RUVBL1: variants seen among roughly 807,000 people sequenced by gnomAD.
RUVBL1 encodes the protein ruvB-like 1.
Under a neutral mutation model 52.4 loss-of-function variants are expected in RUVBL1, and 4 were observed. The observed-to-expected ratio is 0.08, with a 90% CI of 0.04 to 0.17. The LOEUF (loss-of-function observed/expected upper bound fraction) is 0.17, where lower values mean the gene tolerates loss of function less well. Among genes scored for constraint, RUVBL1 ranks in the 10% least tolerant of loss-of-function variants. The pLI is 1.00. For synonymous variants in RUVBL1, 217 were observed against 214.4 expected (o/e 1.01, Z -0.10); for missense variants, 298 against 572.8 (o/e 0.52, Z 4.90).
At chr3:128,117,216 T>C (rs781038770) in intron 2 of RUVBL1, among the ~76,000 whole-genome samples, 1 of 152,158 alleles carries the variant, frequency 6.6e-6, no homozygotes, top group Non-Finnish European at 1.5e-5. Context: ...AACAAAGATC[T>C]AAAAGAAATT....
chr3:128,134,852 T>A (rs1422209174), intron 1 of RUVBL1, among the ~76,000 whole-genome samples: 1 of 150,474 alleles, frequency 6.6e-6, no homozygotes, highest in Non-Finnish European at 1.5e-5. Flanking sequence ...GGGAAAAATT[T>A]AAAAAAAAGA....
chr3:128,102,087 T>C (rs1360023024), intron 4 of RUVBL1, among the ~76,000 whole-genome samples: 1 of 152,176 alleles, frequency 6.6e-6, no homozygotes, highest in African/African-American at 2.4e-5. Context: ...ACTCCTTCAT[T>C]TGCCTCACCT....
chr3:128,151,014 T>A (rs1576495919), intron 1 of RUVBL1, among the ~76,000 whole-genome samples: 1 of 95,330 alleles, frequency 1.0e-5, no homozygotes, highest in African/African-American at 4.6e-5. Flanking sequence ...ATATTATATA[T>A]TATATATATA....
In RUVBL1 at chr3:128,096,806, GAC is replaced by G. The variant is rs1942985955; in HGVS notation, c.1016+492_1016+493del. Among the ~76,000 whole-genome samples, 2 of 151,528 alleles carry G rather than the reference GAC, an allele frequency of 1.3e-5. 1 individual carries two copies. The highest frequency in any genetic ancestry group is 4.2e-4 in the South Asian group (2 of 4,794). Reference sequence around the variant, plus strand: ...CGCGCCACTGCACTCCAGCCTGGGCGACACAGTGAGACTCTGTCCCCAAAAAA... The same window carrying G: ...CGCGCCACTGCACTCCAGCCTGGGCGACAGTGAGACTCTGTCCCCAAAAAA... On this transcript the variant is annotated intron_variant, in intron 8 of 10. Coordinates refer to ENST00000322623, the MANE Select transcript of RUVBL1 (RefSeq NM_003707.3).
intron 7 of RUVBL1, 64 bp downstream of exon 7, chr3:128,098,818 A>C: frequency 1.5e-6 from 2 of 1,362,512 alleles, no homozygotes; most frequent in Non-Finnish European, 2.1e-6. Context: ...GAGCCGCAAG[A>C]GCATCTCAGA....
intron 1 of RUVBL1, among the ~76,000 whole-genome samples, chr3:128,150,920 A>AATATATTCTATATATTC (rs1944191225): frequency 1.0e-4 from 5 of 47,706 alleles, no homozygotes; most frequent in African/African-American, 4.7e-4. Flanking sequence ...ATTCTATATT[A>AATATATTCTATATATTC]TATATATAAT....
chr3:128,136,167 T>G (rs1348650765), intron 1 of RUVBL1, among the ~76,000 whole-genome samples: 1 of 133,312 alleles, frequency 7.5e-6, no homozygotes, highest in Admixed American at 7.5e-5. Flanking sequence ...AAAATCACCA[T>G]CACAAAAAGG....
intron 1 of RUVBL1, among the ~76,000 whole-genome samples, chr3:128,136,862 C>G (rs1174988610): frequency 6.6e-6 from 1 of 152,036 alleles, no homozygotes; most frequent in Non-Finnish European, 1.5e-5. Context: ...GAGGATATAA[C>G]AATTGTAAAT....
exon 1 of RUVBL1, chr3:128,153,474 G>C (rs1944289573): frequency 3.4e-6 from 5 of 1,462,024 alleles, no homozygotes; most frequent in Non-Finnish European, 4.5e-6. Flanking sequence ...GGTGAGGGGC[G>C]GGCCGGGCGG....
chr3:128,065,096 C>T (rs1462861399), exon 10 of RUVBL1: 1 of 1,554,262 alleles, frequency 6.4e-7, no homozygotes, highest in East Asian at 2.2e-5. Context: ...TTCAGAATGC[C>T]TTGTGTGCAG....
chr3:128,107,356 CA>C (rs575054211), intron 3 of RUVBL1, among the ~76,000 whole-genome samples: 35 of 152,338 alleles, frequency 2.3e-4, no homozygotes, highest in African/African-American at 7.5e-4. Context: ...AAAAACTATT[CA>C]ACTCACAAAT....
At chr3:128,107,065 A>T (rs995140085) in intron 3 of RUVBL1, among the ~76,000 whole-genome samples, 10 of 152,338 alleles carry the variant, frequency 6.6e-5, no homozygotes, top group South Asian at 4.1e-4. Context: ...TTAAAAAAAA[A>T]TTTTAAGTAA....
chr3:128,064,785 GT>G, exon 10 of RUVBL1: 2 of 1,193,848 alleles, frequency 1.7e-6, no homozygotes, highest in Non-Finnish European at 2.4e-6. Flanking sequence ...ACTTAAGTTT[GT>G]TTTCCTCTTT....
In RUVBL1 at chr3:128,067,077, C is replaced by T; in HGVS notation, c.940-1857G>A. 6.2e-7 allele frequency: 1 copy of T among 1,614,202 alleles called. No individual in the cohort carries two copies. The highest frequency in any genetic ancestry group is 8.5e-7 in the Non-Finnish European group (1 of 1,180,034). On this transcript the variant is annotated intron_variant, in intron 9 of 9. Coordinates refer to the RUVBL1 transcript ENST00000464873. The surrounding 1 kb of genome is among the most constrained non-coding windows in gnomAD (Gnocchi z 4.1). ...CCTGCAGTCTGCCCTGGTGTCCAAC[C>T]TTTATGTCATCTCCCAAATGCTCTC...
upstream of RUVBL1, chr3:128,123,973 C>T: frequency 1.7e-6 from 2 of 1,187,646 alleles, no homozygotes; most frequent in South Asian, 5.8e-5. Flanking sequence ...CCGTAGCCGG[C>T]GCTTCCTGCC....
intron 9 of RUVBL1, chr3:128,069,815 T>A (rs1156966755): frequency 1.6e-5 from 12 of 730,108 alleles, no homozygotes; most frequent in Non-Finnish European, 2.6e-5. Context: ...CTAGACATTT[T>A]CCAATTTAAA....
chr3:128,104,399 T>C (rs1248696381), intron 4 of RUVBL1, among the ~76,000 whole-genome samples: 1 of 152,258 alleles, frequency 6.6e-6, no homozygotes. Flanking sequence ...TTTCTTTCTA[T>C]GAGCATGGGC....
At chr3:128,097,603 G>C in intron 7 of RUVBL1, 105 bp from the exon 8 acceptor site, 4 of 966,430 alleles carry the variant, frequency 4.1e-6, no homozygotes, top group Non-Finnish European at 6.5e-6. Context: ...TAGGAGCCTA[G>C]TTTTCCTACT....
chr3:128,090,599 G>A (rs1438091458), intron 8 of RUVBL1, among the ~76,000 whole-genome samples: 5 of 152,194 alleles, frequency 3.3e-5, no homozygotes, highest in African/African-American at 1.2e-4. Context: ...TAACTTTAGA[G>A]AAAACTTATC....
Sources: gnomAD v4.1 joint callset for allele counts (sites outside exome capture counted in the v4.1 genomes callset) on GRCh38, gnomAD v4.1.1 for gene constraint, Gnocchi (gnomAD v3.1) non-coding constraint, MANE v1.5 for transcripts, NCBI Gene and HGNC (gene_info 2026-07-23, HGNC 2026-07-21) for gene names.